The following AKR1E2 variants were observed in gnomAD, a reference collection of about 807,000 sequenced individuals.
AKR1E2 encodes aldo-keto reductase family 1 member E2, also known as 1,5-anhydro-D-fructose reductase.
AKR1E2 carries 43 observed loss-of-function variants against 41.9 expected under a neutral mutation model. That is an observed-to-expected ratio of 1.03 (90% CI 0.80 to 1.32). The LOEUF is 1.32. AKR1E2 is among the 40% of genes most tolerant of loss of function. AKR1E2 has a pLI of 0.00. For missense variants in AKR1E2, 423 were observed against 396.5 expected, an observed-to-expected ratio of 1.07 and a Z score of -0.57; for synonymous variants, 121 against 138.9, an observed-to-expected ratio of 0.87 and a Z score of 0.91.
At chr10:4,827,495 C>T (rs914386310) in intron 1 of AKR1E2, among the ~76,000 whole-genome samples, 1 of 141,676 alleles carries the variant, frequency 7.1e-6, no homozygotes, top group Non-Finnish European at 1.6e-5. Flanking sequence ...CAGCCCCCAG[C>T]GTCTTATAAC....
chr10:4,863,316 C>T, the AKR1E2 span, among the ~76,000 whole-genome samples: 1 of 152,204 alleles, frequency 6.6e-6, no homozygotes. Context: ...TCACTCAAAA[C>T]CACTCAACTA....
chr10:4,834,244 T>A (rs193010249), intron 3 of AKR1E2, among the ~76,000 whole-genome samples: 1 of 152,348 alleles, frequency 6.6e-6, no homozygotes, highest in African/African-American at 2.4e-5. Flanking sequence ...TACCAACCTG[T>A]GAGAAGGTCC....
the AKR1E2 span, among the ~76,000 whole-genome samples, chr10:4,864,628 G>T: frequency 2.6e-5 from 4 of 152,258 alleles, no homozygotes; most frequent in East Asian, 5.8e-4. Context: ...GCAGGAGAAA[G>T]AAATAGAAGG....
chr10:4,861,853 G>A, the AKR1E2 span, among the ~76,000 whole-genome samples: 1 of 151,840 alleles, frequency 6.6e-6, no homozygotes, highest in Middle Eastern at 3.2e-3. Context: ...TGAGTAGATT[G>A]CAAAAATTTT....
chr10:4,844,563 C>T (rs1834161503), intron 8 of AKR1E2, among the ~76,000 whole-genome samples: 1 of 152,110 alleles, frequency 6.6e-6, no homozygotes, highest in Admixed American at 6.6e-5. Context: ...TGACAGGGTG[C>T]TGATTGGTGC....
At chr10:4,833,206 C>T (rs1833118234) in intron 2 of AKR1E2, 144 bp from the exon 3 acceptor site, 1 of 698,300 alleles carries the variant, frequency 1.4e-6, no homozygotes, top group Non-Finnish European at 2.6e-6. Flanking sequence ...TCCCTGTCCT[C>T]CCATCAGAAC....
chr10:4,849,305 T>C (rs1219344781), downstream of AKR1E2, among the ~76,000 whole-genome samples: 1 of 142,084 alleles, frequency 7.0e-6, no homozygotes, highest in African/African-American at 2.5e-5. Context: ...CGTGACTCCT[T>C]ATCATTCATT....
chr10:4,829,934 C>T (rs903203363), intron 1 of AKR1E2, among the ~76,000 whole-genome samples: 1 of 151,968 alleles, frequency 6.6e-6, no homozygotes, highest in Non-Finnish European at 1.5e-5. Context: ...TCTTTCCATC[C>T]AATTTCTTGG....
intron 2 of AKR1E2, among the ~76,000 whole-genome samples, chr10:4,832,452 G>A (rs919207901): frequency 7.2e-4 from 109 of 152,284 alleles, no homozygotes; most frequent in African/African-American, 2.6e-3. Context: ...GTCCAGGTAG[G>A]GATGTGAGCA....
chr10:4,860,048 C>T, the AKR1E2 span, among the ~76,000 whole-genome samples: 6 of 152,256 alleles, frequency 3.9e-5, no homozygotes, highest in South Asian at 1.2e-3. Flanking sequence ...CTATTGTCAG[C>T]AAGTATGACT....
At chr10:4,857,868 T>G in the AKR1E2 span, among the ~76,000 whole-genome samples, 9 of 152,156 alleles carry the variant, frequency 5.9e-5, no homozygotes, top group African/African-American at 2.2e-4. Context: ...GTCTTATCAT[T>G]TTTTAATTTT....
the AKR1E2 span, among the ~76,000 whole-genome samples, chr10:4,862,208 T>C: frequency 6.6e-6 from 1 of 152,238 alleles, no homozygotes; most frequent in East Asian, 1.9e-4. Flanking sequence ...CGTTTCTTGT[T>C]TTTGTCAGGT....
At position 4,847,577 on chromosome 10, in the gene AKR1E2, C is replaced by T. The variant is rs1204783543; in HGVS notation, c.*47C>T. 6.3e-7 allele frequency: 1 copy of T among 1,598,272 alleles called. No individual in the cohort carries two copies. Among genetic ancestry groups the T allele is most frequent in the African/African-American group, 1.3e-5 (1 of 74,402 alleles). On this transcript the variant is annotated 3_prime_UTR_variant, in exon 10 of 10. Coordinates refer to ENST00000298375, the MANE Select transcript of AKR1E2 (RefSeq NM_001040177.3). The stretch of plus-strand genomic sequence containing the variant: ...TCTGCTCAGCCCAGATGCACAGACA[C>T]TATTGGCAATGTTGACCCTCCTCTG...
the AKR1E2 span, among the ~76,000 whole-genome samples, chr10:4,860,576 T>C: frequency 6.6e-6 from 1 of 152,348 alleles, no homozygotes; most frequent in East Asian, 1.9e-4. Context: ...TGCATAGAAA[T>C]ATATCCATGT....
the AKR1E2 span, among the ~76,000 whole-genome samples, chr10:4,864,036 G>A: frequency 3.7e-4 from 57 of 152,236 alleles, no homozygotes; most frequent in South Asian, 0.012. Context: ...AGAGGTACAA[G>A]GAGGAACTGG....
At chr10:4,848,378 C>T (rs1329336420), downstream of AKR1E2, among the ~76,000 whole-genome samples, 1 of 152,234 alleles carries the variant, frequency 6.6e-6, no homozygotes, top group African/African-American at 2.4e-5. Flanking sequence ...GGTGTTCACG[C>T]CCAGGCGTTG....
intron 8 of AKR1E2, chr10:4,845,682 C>T (rs1176136707): frequency 1.7e-5 from 8 of 468,954 alleles, no homozygotes; most frequent in South Asian, 6.2e-5. Flanking sequence ...CTTCTGCCGT[C>T]GTGGCTCTCA....
chr10:4,858,535 A>G, the AKR1E2 span, among the ~76,000 whole-genome samples: 1 of 152,242 alleles, frequency 6.6e-6, no homozygotes, highest in Non-Finnish European at 1.5e-5. Context: ...ACAAGTTAGC[A>G]TAGAACTACA....
In AKR1E2 at chr10:4,845,908, C is replaced by T. The variant is rs565295802; in HGVS notation, c.838-1240C>T. On this transcript the variant is annotated intron_variant, in intron 8 of 9. Coordinates refer to ENST00000298375, the MANE Select transcript of AKR1E2 (RefSeq NM_001040177.3). ...GACAGCAGCGGCGGGTTAGGAGGGG[C>T]CGGAGGAAGTGCTTATGCTGTCAGG... 1.9e-3 allele frequency: 863 copies of T among 463,766 alleles called. 3 individuals carry two copies. Among genetic ancestry groups the T allele is most frequent in the Non-Finnish European group, 3.1e-3 (713 of 226,648 alleles). The allele number at this position is 463,766 out of a possible 1,614,324, so 28.7% of individuals were successfully genotyped here. A position where few individuals can be genotyped will look rare whatever the true frequency, so the allele number is the denominator to read the frequency against.
Sources: gnomAD v4.1 joint callset for allele counts (sites outside exome capture counted in the v4.1 genomes callset) on GRCh38, gnomAD v4.1.1 for gene constraint, MANE v1.5 for transcripts, NCBI Gene and HGNC (gene_info 2026-07-23, HGNC 2026-07-21) for gene names.